RANBP2: variants seen among roughly 807,000 people sequenced by gnomAD.
RANBP2 encodes E3 SUMO-protein ligase RanBP2.
RANBP2 carries 57 observed loss-of-function variants against 303.6 expected under a neutral mutation model. The ratio of observed to expected loss-of-function variants is 0.19; its 90% CI spans 0.15 to 0.23. The LOEUF (loss-of-function observed/expected upper bound fraction) is 0.23, where lower values mean the gene tolerates loss of function less well. RANBP2 is among the 10% of genes least tolerant of loss of function. The pLI, the probability that RANBP2 is intolerant of heterozygous loss-of-function variation, is 1.00. For missense variants in RANBP2, 3,138 were observed against 3,780.8 expected (o/e 0.83, Z 4.46); for synonymous variants, 1,167 against 1,301.5 (o/e 0.90, Z 2.23).
the RANBP2 span, chr2:109,398,530 G>A: frequency 1.4e-6 from 2 of 1,414,788 alleles, no homozygotes; most frequent in Non-Finnish European, 1.9e-6. Flanking sequence ...GAGTGCAGAG[G>A]GCTGGTGTGG....
chr2:108,721,405 G>A (rs1694234984), intron 1 of RANBP2, among the ~76,000 whole-genome samples: 1 of 152,066 alleles, frequency 6.6e-6, no homozygotes, highest in Non-Finnish European at 1.5e-5. Context: ...TTAATTGAGG[G>A]TTCCTGTAAC....
chr2:109,259,582 C>T, the RANBP2 span, among the ~76,000 whole-genome samples: 15 of 152,202 alleles, frequency 9.9e-5, no homozygotes, highest in African/African-American at 2.7e-4. Flanking sequence ...CCACAATGCC[C>T]TGGAGTTACC....
At chr2:109,240,269 G>A in the RANBP2 span, among the ~76,000 whole-genome samples, 1 of 152,186 alleles carries the variant, frequency 6.6e-6, no homozygotes, top group Non-Finnish European at 1.5e-5. Context: ...GGAGGCCCAG[G>A]AGGGCAGATC....
the RANBP2 span, among the ~76,000 whole-genome samples, chr2:109,484,276 A>T: frequency 6.6e-6 from 1 of 152,256 alleles, no homozygotes; most frequent in African/African-American, 2.4e-5. Flanking sequence ...CATGTTGGCC[A>T]GGCTGGTCTC....
At chr2:109,032,193 A>G in the RANBP2 span, among the ~76,000 whole-genome samples, 1 of 151,924 alleles carries the variant, frequency 6.6e-6, no homozygotes, top group African/African-American at 2.4e-5. Flanking sequence ...AGATCTTTGG[A>G]GATTTCTTTC....
the RANBP2 span, among the ~76,000 whole-genome samples, chr2:109,685,547 G>T: frequency 6.6e-6 from 1 of 152,208 alleles, no homozygotes. Context: ...ACAGCATTCT[G>T]CTGGGTGCTG....
the RANBP2 span, among the ~76,000 whole-genome samples, chr2:109,504,829 C>T: frequency 1.3e-5 from 2 of 152,118 alleles, no homozygotes; most frequent in African/African-American, 2.4e-5. Context: ...ATGGGAGAGT[C>T]GTGACATCAA....
chr2:109,624,690 T>C, the RANBP2 span, among the ~76,000 whole-genome samples: 1 of 152,188 alleles, frequency 6.6e-6, no homozygotes, highest in Non-Finnish European at 1.5e-5. Flanking sequence ...GGAAACGCAG[T>C]TGAAGACACA....
At chr2:109,725,908 T>G in the RANBP2 span, among the ~76,000 whole-genome samples, 1 of 151,886 alleles carries the variant, frequency 6.6e-6, no homozygotes, top group Non-Finnish European at 1.5e-5. Flanking sequence ...AATTTTTGTA[T>G]TTTTAGTAGA....
At chr2:109,487,808 C>T in the RANBP2 span, among the ~76,000 whole-genome samples, 1 of 152,180 alleles carries the variant, frequency 6.6e-6, no homozygotes, top group African/African-American at 2.4e-5. Context: ...CCCAAGAGCC[C>T]TCAGCTGGAC....
the RANBP2 span, among the ~76,000 whole-genome samples, chr2:109,173,415 G>A: frequency 6.6e-6 from 1 of 152,112 alleles, no homozygotes; most frequent in Non-Finnish European, 1.5e-5. Context: ...ATCTTGGTTT[G>A]GAAGAATTCG....
the RANBP2 span, among the ~76,000 whole-genome samples, chr2:109,214,956 G>A: frequency 6.6e-6 from 1 of 152,232 alleles, no homozygotes; most frequent in African/African-American, 2.4e-5. Context: ...GCTGAGGAGA[G>A]AAGGGGCACG....
intron 25 of RANBP2, 74 bp downstream of exon 25, chr2:108,777,305 GC>G: frequency 1.0e-6 from 1 of 982,798 alleles, no homozygotes; most frequent in African/African-American, 2.6e-5. Flanking sequence ...GTTTTTTGTT[GC>G]AGTATATAAC....
At chr2:109,606,146 G>A in the RANBP2 span, among the ~76,000 whole-genome samples, 4 of 152,194 alleles carry the variant, frequency 2.6e-5, no homozygotes, top group African/African-American at 9.7e-5. Context: ...GCCGGGTGCC[G>A]TGGCTCATGC....
At chr2:109,658,539 A>G in the RANBP2 span, among the ~76,000 whole-genome samples, 1 of 152,242 alleles carries the variant, frequency 6.6e-6, no homozygotes, top group Non-Finnish European at 1.5e-5. Context: ...CTTTCAGAAC[A>G]AGGTTGACTC....
At chr2:108,728,794 A>G (rs941873863) in intron 1 of RANBP2, among the ~76,000 whole-genome samples, 7 of 152,006 alleles carry the variant, frequency 4.6e-5, no homozygotes, top group African/African-American at 1.4e-4. Flanking sequence ...ACAGGCACCC[A>G]CCATCATGCC....
the RANBP2 span, among the ~76,000 whole-genome samples, chr2:109,417,046 GA>G: frequency 6.6e-6 from 1 of 152,166 alleles, no homozygotes; most frequent in Admixed American, 6.6e-5. Context: ...TCAGTGTGTC[GA>G]GCCTGTTGTC....
the RANBP2 span, among the ~76,000 whole-genome samples, chr2:108,809,100 A>C: frequency 2.0e-5 from 3 of 152,026 alleles, no homozygotes; most frequent in East Asian, 5.8e-4. Flanking sequence ...TGTTGTTGGC[A>C]CCTTTGTAGA....
At chr2:108,742,876 C>T (rs977641886) in intron 7 of RANBP2, among the ~76,000 whole-genome samples, 2 of 152,178 alleles carry the variant, frequency 1.3e-5, no homozygotes, top group African/African-American at 2.4e-5. Context: ...GCAAGCTCCA[C>T]CTCCTGGGTT....
Sources: gnomAD v4.1 joint callset for allele counts (sites outside exome capture counted in the v4.1 genomes callset) on GRCh38, gnomAD v4.1.1 for gene constraint, MANE v1.5 for transcripts, NCBI Gene and HGNC (gene_info 2026-07-23, HGNC 2026-07-21) for gene names.